The following PCDH15 variants were observed in gnomAD, a reference collection of about 807,000 sequenced individuals.
The protein encoded by PCDH15 is protocadherin related 15, also known as protocadherin-15.
A neutral mutation model predicts 178.5 loss-of-function variants in PCDH15; 129 were observed. The observed-to-expected ratio is 0.72, with a 90% confidence interval of 0.63 to 0.84. The LOEUF (loss-of-function observed/expected upper bound fraction) is 0.84. Among genes scored for constraint, PCDH15 ranks in the 40% least tolerant of loss-of-function variants. The pLI is 0.00. For synonymous variants in PCDH15, 800 were observed against 732.0 expected (o/e 1.09, Z -1.50); for missense variants, 2,230 against 2,099.9 (o/e 1.06, Z -1.21).
At chr10:54,042,096 G>A (rs2093560170) in intron 18 of PCDH15, among the ~76,000 whole-genome samples, 2 of 152,026 alleles carry the variant, frequency 1.3e-5, no homozygotes. Context: ...ATGTCAAACT[G>A]GGGAGGCTCT....
intron 2 of PCDH15, among the ~76,000 whole-genome samples, chr10:55,578,129 C>A (rs1441136985): frequency 6.6e-6 from 1 of 151,964 alleles, no homozygotes; most frequent in Non-Finnish European, 1.5e-5. Context: ...TTTTAAATTG[C>A]CTCTTTGTCT....
chr10:54,468,796 C>T (rs1044744160), intron 3 of PCDH15, among the ~76,000 whole-genome samples: 1 of 152,094 alleles, frequency 6.6e-6, no homozygotes, highest in African/African-American at 2.4e-5. Flanking sequence ...CCTTATTGAT[C>T]TAATAATATT....
intron 1 of PCDH15, among the ~76,000 whole-genome samples, chr10:54,751,612 C>A (rs1348550307): frequency 1.3e-5 from 2 of 152,106 alleles, no homozygotes; most frequent in Admixed American, 6.5e-5. Context: ...AATGTCTAGC[C>A]AATTTACTAT....
chr10:55,387,523 T>C (rs558459913), intron 2 of PCDH15, among the ~76,000 whole-genome samples: 15 of 152,268 alleles, frequency 9.9e-5, no homozygotes, highest in African/African-American at 3.4e-4. Context: ...TGGATAGTTC[T>C]ATTTTAAACT....
intron 2 of PCDH15, among the ~76,000 whole-genome samples, chr10:55,088,417 C>T (rs10825461): frequency 0.082 from 12,519 of 151,808 alleles, 611 homozygotes; most frequent in East Asian, 0.23. Flanking sequence ...TACAGTTGTG[C>T]GCCACCATGC....
intron 3 of PCDH15, among the ~76,000 whole-genome samples, chr10:54,447,315 G>A (rs1426320794): frequency 1.3e-5 from 2 of 151,570 alleles, no homozygotes; most frequent in East Asian, 1.9e-4. Context: ...TCACCATGAT[G>A]TGCAATCAAT....
At chr10:55,113,066 C>T (rs966876369) in intron 2 of PCDH15, among the ~76,000 whole-genome samples, 1 of 152,144 alleles carries the variant, frequency 6.6e-6, no homozygotes, top group Non-Finnish European at 1.5e-5. Context: ...GTAACATCAC[C>T]AGAACCCAAC....
chr10:54,045,654 T>G (rs2093640411), intron 18 of PCDH15, among the ~76,000 whole-genome samples: 1 of 152,052 alleles, frequency 6.6e-6, no homozygotes, highest in Non-Finnish European at 1.5e-5. Context: ...TATATATTTA[T>G]ATAGAAGAAA....
intron 4 of PCDH15, among the ~76,000 whole-genome samples, chr10:54,373,411 T>TA (rs1947971652): frequency 6.6e-6 from 1 of 151,874 alleles, no homozygotes; most frequent in African/African-American, 2.4e-5. Flanking sequence ...GACTTTTACA[T>TA]AAAAAAGCAA....
rs942400977 is a variant in PCDH15, at chr10:53,903,460, G to T, written c.3374-90C>A. 8 of 1,479,596 alleles carry T rather than the reference G, an allele frequency of 5.4e-6. No homozygotes were observed. The Admixed American group carries it at 1.2e-4, about 22-fold the overall frequency. The allele number at this position is 1,479,596 out of a possible 1,614,324, so 91.7% of individuals were successfully genotyped here. ...GTAAATATTTGCTGCACTTTTTTTT[G>T]GAAACATTGAAAATAAATCAAAAGC... On this transcript the variant is annotated intron_variant, in intron 25 of 37. Transcript: ENST00000644397.
At chr10:54,685,208 A>T (rs1213983825) in intron 1 of PCDH15, among the ~76,000 whole-genome samples, 1 of 152,060 alleles carries the variant, frequency 6.6e-6, no homozygotes, top group African/African-American at 2.4e-5. Flanking sequence ...ATCTCCTATG[A>T]TAATAATGCC....
intron 2 of PCDH15, among the ~76,000 whole-genome samples, chr10:55,390,811 A>G: frequency 6.6e-6 from 1 of 152,198 alleles, no homozygotes; most frequent in East Asian, 1.9e-4. Context: ...GAGCAGTAGT[A>G]ATATTTCAAA....
chr10:55,072,410 G>A (rs1449291279), intron 2 of PCDH15, among the ~76,000 whole-genome samples: 1 of 152,086 alleles, frequency 6.6e-6, no homozygotes, highest in Non-Finnish European at 1.5e-5. Flanking sequence ...AAATGATAAA[G>A]GGGATATCAC....
At chr10:53,910,500 T>A (rs2083005043) in intron 25 of PCDH15, among the ~76,000 whole-genome samples, 1 of 151,938 alleles carries the variant, frequency 6.6e-6, no homozygotes, top group Non-Finnish European at 1.5e-5. Flanking sequence ...CAAAACCCCA[T>A]CTGTACGTCA....
At chr10:54,479,142 A>T (rs376661291) in intron 3 of PCDH15, among the ~76,000 whole-genome samples, 21 of 152,188 alleles carry the variant, frequency 1.4e-4, no homozygotes, top group African/African-American at 4.6e-4. Flanking sequence ...ATTTCAGACC[A>T]AGAGAAATGC....
intron 1 of PCDH15, 77 bp from the exon 2 acceptor site, chr10:54,664,367 C>T: frequency 1.1e-6 from 1 of 922,144 alleles, no homozygotes; most frequent in South Asian, 1.4e-5. Flanking sequence ...TGTCACAGCA[C>T]AGAAAAGCCT....
intron 2 of PCDH15, among the ~76,000 whole-genome samples, chr10:54,630,442 G>GT (rs1260092059): frequency 6.6e-6 from 1 of 152,164 alleles, no homozygotes; most frequent in Non-Finnish European, 1.5e-5. Context: ...AATGGTGCTA[G>GT]TTTAACTGGC....
At chr10:54,850,712 C>T (rs911395162) in intron 3 of PCDH15, among the ~76,000 whole-genome samples, 1 of 149,724 alleles carries the variant, frequency 6.7e-6, no homozygotes, top group African/African-American at 2.5e-5. Context: ...AATTGAAATG[C>T]CAAAGTTTTG....
intron 2 of PCDH15, among the ~76,000 whole-genome samples, chr10:54,898,524 A>C (rs1402203469): frequency 1.3e-5 from 2 of 152,142 alleles, no homozygotes; most frequent in African/African-American, 4.8e-5. Flanking sequence ...CAGATTTTTC[A>C]GCAACTCTTT....
Sources: allele counts gnomAD v4.1 joint callset (sites outside exome capture counted in the v4.1 genomes callset), GRCh38; gene constraint gnomAD v4.1.1; transcripts MANE v1.5; gene names NCBI Gene and HGNC (gene_info 2026-07-23, HGNC 2026-07-21).